Variants in SMARCA4 observed in about 807,000 individuals in gnomAD.
SMARCA4 encodes the protein SWI/SNF related BAF chromatin remodeling complex subunit ATPase 4, also known as SWI/SNF-related matrix-associated actin-dependent regulator of chromatin subfamily A member 4.
SMARCA4 carries 31 observed loss-of-function variants against 193.9 expected under a neutral mutation model. That is an observed-to-expected ratio of 0.16 (90% CI 0.12 to 0.22). The LOEUF (loss-of-function observed/expected upper bound fraction) is 0.22, where lower values mean the gene tolerates loss of function less well. Ranked by LOEUF, SMARCA4 falls within the 10% of genes least tolerant of loss-of-function variation. The pLI is 1.00. For missense variants in SMARCA4, 1,148 were observed against 2,296.0 expected, an observed-to-expected ratio of 0.50 and a Z score of 10.22; for synonymous variants, 942 against 933.1, an observed-to-expected ratio of 1.01 and a Z score of -0.17.
chr19:10,963,079 G>A (rs1361149585), intron 1 of SMARCA4, among the ~76,000 whole-genome samples: 2 of 152,062 alleles, frequency 1.3e-5, no homozygotes, highest in South Asian at 2.1e-4. Flanking sequence ...CTGTGTAAAA[G>A]GCTTGGTGCA....
chr19:11,003,711 ATTTTT>A (rs1163471174), intron 13 of SMARCA4, among the ~76,000 whole-genome samples: 1 of 135,830 alleles, frequency 7.4e-6, no homozygotes, highest in African/African-American at 2.7e-5. Flanking sequence ...TCATTTGCCC[ATTTTT>A]TTTTTTTTTT....
intron 1 of SMARCA4, among the ~76,000 whole-genome samples, chr19:10,977,058 A>C (rs995181870): frequency 1.3e-5 from 2 of 152,176 alleles, no homozygotes; most frequent in African/African-American, 4.8e-5. Flanking sequence ...TCTGTCTCCA[A>C]AACAAATAAA....
At chr19:11,061,204 A>AAAAAAAAAAAATAT (rs1555797070) in intron 34 of SMARCA4, among the ~76,000 whole-genome samples, 1 of 45,220 alleles carries the variant, frequency 2.2e-5, no homozygotes, top group African/African-American at 1.1e-4. Context: ...AAAAAAAAAA[A>AAAAAAAAAAAATAT]ATATATATAT....
At position 10,986,839 on chromosome 19, in the gene SMARCA4, A is replaced by G; in HGVS notation, c.761-66A>G. 7.0e-7 allele frequency: 1 copy of G among 1,418,974 alleles called. No homozygotes were observed. The highest frequency in any genetic ancestry group is 1.0e-6 in the Non-Finnish European group (1 of 1,004,728). 87.9% of individuals were successfully genotyped at this position (1,418,974 alleles called of 1,614,324 possible). A position where few individuals can be genotyped will look rare whatever the true frequency, so the allele number is the denominator to read the frequency against. ...GTGTCCCCTGGAGCCAGGGCTGCCC[A>G]CGGGGCTGGGCGCAGGCATAAACCT... On this transcript the variant is annotated intron_variant, in intron 4 of 34. Transcript: ENST00000344626. The surrounding 1 kb of genome is among the most constrained non-coding windows in gnomAD (Gnocchi z 6.7).
rs1389389704 is a variant in SMARCA4 at position 10,986,389 on chromosome 19, G to A, written c.556G>A (p.Ala186Thr). The A allele has an allele frequency of 1.2e-6, 2 of 1,602,396 alleles. No individual in the cohort carries two copies. Among genetic ancestry groups the A allele is most frequent in the Non-Finnish European group, 1.7e-6 (2 of 1,174,948 alleles). ...QLHQLRAQIM[A>T]YKMLARGQPL... Reference sequence around the variant, plus strand: ...GCACCAGCTCAGAGCTCAGATCATGGCCTACAAGATGCTGGCCAGGGGGCA... The same window carrying A: ...GCACCAGCTCAGAGCTCAGATCATGACCTACAAGATGCTGGCCAGGGGGCA... The change falls in exon 4 of 35, where the codon GCC becomes ACC. Residue 186 changes from alanine to threonine, a missense_variant. By Grantham distance (58) the Ala-to-Thr change is moderately conservative (BLOSUM62 0). This residue lies in a region of SMARCA4 where 4 missense variants were observed against 22.8 expected (regional missense o/e 0.18). Coordinates refer to ENST00000344626, the MANE Select transcript of SMARCA4 (RefSeq NM_003072.5). This position sits in a 1 kb window ranked among gnomAD's most constrained non-coding sequence, Gnocchi z 6.7.
chr19:10,974,396 A>C (rs1488830166), intron 1 of SMARCA4, among the ~76,000 whole-genome samples: 1 of 151,142 alleles, frequency 6.6e-6, no homozygotes, highest in Non-Finnish European at 1.5e-5. Context: ...TTATTTCCAC[A>C]AAGACACTTC....
intron 8 of SMARCA4, 88 bp downstream of exon 8, chr19:10,991,411 GTT>G (rs1431897766): frequency 3.2e-6 from 5 of 1,538,970 alleles, no homozygotes; most frequent in Non-Finnish European, 3.5e-6. Flanking sequence ...TGTTTGCTTT[GTT>G]CCTAAACATG....
In SMARCA4 at chr19:11,006,872, C is replaced by T. The variant is rs539417581; in HGVS notation, c.2002-1030C>T. 7.3e-5 allele frequency among the ~76,000 whole-genome samples: 11 copies of T among 150,254 alleles called. No homozygotes were observed. In the South Asian group the frequency reaches 2.3e-3, roughly 32 times the overall value. On this transcript the variant is annotated intron_variant, in intron 13 of 34. Transcript: ENST00000344626. Reference sequence around the variant, plus strand: ...AGGCTGAGGCAGGCAGATTCTTGAGCTCAGGAGTTTGAGACCAGCCTGGGC... The same window carrying T: ...AGGCTGAGGCAGGCAGATTCTTGAGTTCAGGAGTTTGAGACCAGCCTGGGC...
rs774511507 is a variant in SMARCA4, at chr19:10,986,581, A to G, written c.748A>G (p.Ser250Gly). 17 of 1,536,126 alleles carry G rather than the reference A, an allele frequency of 1.1e-5. No individual in the cohort carries two copies. Among genetic ancestry groups the G allele is most frequent in the Non-Finnish European group, 1.5e-5 (17 of 1,146,688 alleles). Reference protein sequence around the residue: ...PGPGPAPPNYSRPHGMGGPNM... With the variant: ...PGPGPAPPNYGRPHGMGGPNM... ...TCCCGGCCCGGCACCTCCAAATTAC[A>G]GCAGGCCTCATGGTAAGACTGGCTG... Residue 250 changes from serine (S) to glycine (G), a missense_variant, in exon 4 of 35, where the codon AGC (serine) becomes GGC (glycine). Physicochemically the swap from Ser to Gly is moderately conservative, Grantham distance 56. This residue lies in a region of SMARCA4 where 257 missense variants were observed against 276.5 expected (regional missense o/e 0.93). Transcript: ENST00000344626. This position sits in a 1 kb window ranked among gnomAD's most constrained non-coding sequence, Gnocchi z 6.7.
chr19:11,047,034 A>G (rs1285038483), intron 30 of SMARCA4, among the ~76,000 whole-genome samples: 2 of 151,742 alleles, frequency 1.3e-5, no homozygotes, highest in African/African-American at 4.8e-5. Flanking sequence ...AAATTGGTGT[A>G]CTTAATGGAT....
rs2085903967 is a variant in SMARCA4, at chr19:10,985,141, G to A, written c.223-132G>A. Reference sequence around the variant, plus strand: ...GAACCTTGCCTTGGAGTCATGCTGGGGACTGGGGAGATGCGCGTCATCTTC... The same window carrying A: ...GAACCTTGCCTTGGAGTCATGCTGGAGACTGGGGAGATGCGCGTCATCTTC... On this transcript the variant is annotated intron_variant, in intron 2 of 34. Transcript: ENST00000344626. This position sits in a 1 kb window ranked among gnomAD's most constrained non-coding sequence, Gnocchi z 4.5. 4 of 889,948 alleles carry A rather than the reference G, an allele frequency of 4.5e-6. No homozygotes were observed. Among genetic ancestry groups the A allele is most frequent in the Non-Finnish European group, 7.3e-6 (4 of 544,442 alleles). The allele number at this position is 889,948 out of a possible 1,614,324, so 55.1% of individuals were successfully genotyped here.
Position 10,987,560 on chromosome 19 carries a change from G to T in SMARCA4, c.860-106G>T. On this transcript the variant is annotated intron_variant, in intron 5 of 34. Coordinates refer to ENST00000344626, the MANE Select transcript of SMARCA4 (RefSeq NM_003072.5). This position sits in a 1 kb window ranked among gnomAD's most constrained non-coding sequence, Gnocchi z 5.3. ...TGGGTGAAAGGTGGGAGATGGGCGG[G>T]GTCTGCCTGTCCCCAGTGCCTCAAG... 3 of 1,310,340 alleles carry T rather than the reference G, an allele frequency of 2.3e-6. No individual in the cohort carries two copies. Among genetic ancestry groups the T allele is most frequent in the South Asian group, 1.2e-5 (1 of 82,232 alleles). The allele number at this position is 1,310,340 out of a possible 1,614,324, so 81.2% of individuals were successfully genotyped here. A position where few individuals can be genotyped will look rare whatever the true frequency, so the allele number is the denominator to read the frequency against.
intron 1 of SMARCA4, among the ~76,000 whole-genome samples, chr19:10,962,287 C>T (rs939874289): frequency 9.2e-5 from 14 of 152,146 alleles, no homozygotes; most frequent in African/African-American, 3.1e-4. Context: ...TTGTCTGGTC[C>T]AATCTCCCTC....
intron 1 of SMARCA4, among the ~76,000 whole-genome samples, chr19:10,971,745 G>A (rs552628230): frequency 3.3e-5 from 5 of 151,882 alleles, no homozygotes; most frequent in South Asian, 2.1e-4. Context: ...TGGAATTACA[G>A]GCGTGAGCCA....
rs914622346 is a variant in SMARCA4, at chr19:10,986,011, C to T, written c.356-178C>T. Among the ~76,000 whole-genome samples, 31 of 152,198 alleles carry T rather than the reference C, an allele frequency of 2.0e-4. No homozygotes were observed. Among genetic ancestry groups the T allele is most frequent in the Admixed American group, 1.8e-3 (27 of 15,278 alleles). On this transcript the variant is annotated intron_variant, in intron 3 of 34. Coordinates refer to ENST00000344626, the MANE Select transcript of SMARCA4 (RefSeq NM_003072.5). This position sits in a 1 kb window ranked among gnomAD's most constrained non-coding sequence, Gnocchi z 6.7. ...GTGGGCCAAACCAAATCCACCAGGT[C>T]GGCTGCTGGGCTGAGGTGCCTTCAG...
chr19:10,966,320 G>A (rs2084217957), intron 1 of SMARCA4, among the ~76,000 whole-genome samples: 1 of 152,212 alleles, frequency 6.6e-6, no homozygotes, highest in African/African-American at 2.4e-5. Context: ...GCCGAGTGTG[G>A]TGGCTCATGC....
chr19:10,967,552 C>T (rs371586677), intron 1 of SMARCA4, among the ~76,000 whole-genome samples: 2 of 151,608 alleles, frequency 1.3e-5, no homozygotes, highest in Non-Finnish European at 2.9e-5. Context: ...CCTCGTTATC[C>T]GTCTGCCTCA....
chr19:11,040,242 TC>T (rs1316772679), intron 29 of SMARCA4: 1 of 151,570 alleles, frequency 6.6e-6, no homozygotes. Context: ...ACCACTGCAC[TC>T]CAACCTCGGT....
rs2146280868 is a variant in SMARCA4, at chr19:11,013,082, A to T, written c.2408A>T (p.Asn803Ile). Reference protein sequence around the residue: ...ITYLMEHKRINGPFLIIVPLS... With the variant: ...ITYLMEHKRIIGPFLIIVPLS... ...TACCTCATGGAGCACAAACGCATCAATGGGCCCTTCCTCATCATCGTGCCT... is the reference window on the plus strand; with the variant it reads ...TACCTCATGGAGCACAAACGCATCATTGGGCCCTTCCTCATCATCGTGCCT... The change falls in exon 16 of 35, where the codon AAT becomes ATT. Residue 803 changes from asparagine (N) to isoleucine (I), a missense_variant. This residue lies in a region of SMARCA4 where 54 missense variants were observed against 123.3 expected (regional missense o/e 0.44). Coordinates refer to ENST00000344626, the MANE Select transcript of SMARCA4 (RefSeq NM_003072.5). The T allele has an allele frequency of 6.2e-7, 1 of 1,614,170 alleles. No individual in the cohort carries two copies. Among genetic ancestry groups the T allele is most frequent in the Non-Finnish European group, 8.5e-7 (1 of 1,180,024 alleles).
Sources: allele counts gnomAD v4.1 joint callset (sites outside exome capture counted in the v4.1 genomes callset), GRCh38; gene constraint gnomAD v4.1.1; regional missense constraint gnomAD v4.1.1; non-coding constraint Gnocchi (gnomAD v3.1); transcripts MANE v1.5; gene names NCBI Gene and HGNC (gene_info 2026-07-23, HGNC 2026-07-21).